Variants in TTLL9 observed in about 807,000 individuals in gnomAD.
TTLL9 encodes the protein probable tubulin polyglutamylase TTLL9.
A neutral mutation model predicts 65.6 loss-of-function variants in TTLL9; 47 were observed. That is an observed-to-expected ratio of 0.72 (90% CI 0.57 to 0.91). The LOEUF (loss-of-function observed/expected upper bound fraction) is 0.91, where lower values mean the gene tolerates loss of function less well. Ranked by LOEUF, TTLL9 falls within the 40% of genes least tolerant of loss-of-function variation. The pLI is 0.00. For missense variants in TTLL9, 537 were observed against 568.8 expected, an observed-to-expected ratio of 0.94 and a Z score of 0.57; for synonymous variants, 179 against 204.8, an observed-to-expected ratio of 0.87 and a Z score of 1.07.
chr20:31,902,882 G>T (rs183608161), intron 4 of TTLL9, among the ~76,000 whole-genome samples: 42 of 151,888 alleles, frequency 2.8e-4, no homozygotes, highest in Non-Finnish European at 4.7e-4. Flanking sequence ...TATTTATTTA[G>T]AGAAAGGGTC....
At position 31,942,970 on chromosome 20, in the gene TTLL9, A is replaced by G. The variant is rs779276082; in HGVS notation, c.1269A>G (p.Gln423=). 2 of 1,614,138 alleles carry G rather than the reference A, an allele frequency of 1.2e-6. No individual in the cohort carries two copies. Among genetic ancestry groups the G allele is most frequent in the Admixed American group, 1.7e-5 (1 of 60,024 alleles). Residue 423 remains glutamine (Q), a synonymous_variant, in exon 15 of 15, where the codon CAA becomes CAG. Coordinates refer to ENST00000535842, the MANE Select transcript of TTLL9 (RefSeq NM_001008409.5). ...GCTGCGTCAACGATCGGAAGAAACA[A>G]CTGAGGCAGCTCTTCTGCTCCCTTC... ...HLGCVNDRKK[Q]LRQLFCSLQV...
intron 8 of TTLL9, 109 bp from the exon 9 acceptor site, chr20:31,924,900 T>G (rs1403553819): frequency 8.2e-7 from 1 of 1,223,700 alleles, no homozygotes; most frequent in East Asian, 2.5e-5. Flanking sequence ...CAGCAGGAGC[T>G]TCATGAAGGC....
intron 3 of TTLL9, among the ~76,000 whole-genome samples, chr20:31,896,381 G>C (rs2063389346): frequency 6.6e-6 from 1 of 152,128 alleles, no homozygotes; most frequent in Non-Finnish European, 1.5e-5. Flanking sequence ...TTTTTAAGAT[G>C]CTTTTATCAA....
chr20:31,896,586 G>A (rs922378643), intron 3 of TTLL9, among the ~76,000 whole-genome samples: 1 of 152,008 alleles, frequency 6.6e-6, no homozygotes, highest in African/African-American at 2.4e-5. Flanking sequence ...CTGGAGTGCA[G>A]TGGTGCTATC....
At chr20:31,925,166 C>T in intron 9 of TTLL9, 117 bp downstream of exon 9, 1 of 1,084,496 alleles carries the variant, frequency 9.2e-7, no homozygotes, top group Admixed American at 2.2e-5. Flanking sequence ...TTTATCTCTC[C>T]CTGGGAGATC....
intron 8 of TTLL9, among the ~76,000 whole-genome samples, chr20:31,923,411 C>T (rs2063844418): frequency 1.3e-5 from 2 of 152,210 alleles, no homozygotes; most frequent in Admixed American, 1.3e-4. Flanking sequence ...GATGAGCAGG[C>T]TGCAATAAAC....
At chr20:31,886,609 C>T (rs920862080) in intron 2 of TTLL9, among the ~76,000 whole-genome samples, 1 of 152,170 alleles carries the variant, frequency 6.6e-6, no homozygotes, top group Non-Finnish European at 1.5e-5. Context: ...CACCTGAGGT[C>T]AGGAGTTCCA....
rs1276351131 is a variant in TTLL9, at chr20:31,943,684, G to A, written c.*663G>A. On this transcript the variant is annotated 3_prime_UTR_variant, in exon 15 of 15. Transcript: ENST00000535842. ...CCCCATTTCTCAGATGGACAAGACAGACCAGGGAGGCAGAGCTTAGTGAGG... is the reference window on the plus strand; with the variant it reads ...CCCCATTTCTCAGATGGACAAGACAAACCAGGGAGGCAGAGCTTAGTGAGG... 1 of 456,284 alleles carries A rather than the reference G, an allele frequency of 2.2e-6. No individual in the cohort carries two copies. The highest frequency in any genetic ancestry group is 2.0e-5 in the African/African-American group (1 of 50,056). 28.3% of individuals were successfully genotyped at this position (456,284 alleles called of 1,614,324 possible).
At chr20:31,888,802 G>A (rs961357809) in intron 3 of TTLL9, among the ~76,000 whole-genome samples, 2 of 152,080 alleles carry the variant, frequency 1.3e-5, no homozygotes, top group Non-Finnish European at 2.9e-5. Context: ...CGGCAAGAGT[G>A]GGAACAAGGG....
intron 2 of TTLL9, 106 bp downstream of exon 2, chr20:31,871,301 A>G: frequency 8.2e-7 from 1 of 1,216,394 alleles, no homozygotes; most frequent in East Asian, 2.3e-5. Flanking sequence ...TCTGGAGACC[A>G]AGGTTTGAGG....
chr20:31,925,085 G>A (rs769667481), intron 9 of TTLL9, 36 bp downstream of exon 9: 29 of 1,612,710 alleles, frequency 1.8e-5, no homozygotes, highest in Non-Finnish European at 2.3e-5. Context: ...CTCCAGCAGG[G>A]GTTAAAGGGT....
At chr20:31,895,453 GT>G (rs1158358028) in intron 3 of TTLL9, among the ~76,000 whole-genome samples, 1 of 152,220 alleles carries the variant, frequency 6.6e-6, no homozygotes, top group East Asian at 1.9e-4. Context: ...TTTGGAAAAT[GT>G]TCTTGTGAAA....
At chr20:31,895,082 A>G (rs2063363593) in intron 3 of TTLL9, among the ~76,000 whole-genome samples, 2 of 152,216 alleles carry the variant, frequency 1.3e-5, no homozygotes, top group Admixed American at 6.5e-5. Context: ...TTTATTTGGG[A>G]ATAATATACA....
At chr20:31,908,773 G>T in intron 5 of TTLL9, 71 bp downstream of exon 5, 1 of 1,214,176 alleles carries the variant, frequency 8.2e-7, no homozygotes. Flanking sequence ...AGCTGGAGCT[G>T]GTACAAGGAT....
intron 2 of TTLL9, among the ~76,000 whole-genome samples, chr20:31,872,368 C>T (rs1244355004): frequency 2.0e-5 from 3 of 151,742 alleles, no homozygotes; most frequent in Non-Finnish European, 4.4e-5. Flanking sequence ...AAGCAATATA[C>T]TAAAACCCCA....
chr20:31,913,781 G>T (rs2063691185), intron 6 of TTLL9, among the ~76,000 whole-genome samples: 1 of 152,220 alleles, frequency 6.6e-6, no homozygotes, highest in African/African-American at 2.4e-5. Flanking sequence ...TAAAAGTCCA[G>T]TGTAAACATT....
At chr20:31,879,858 GA>G (rs1200197936) in intron 2 of TTLL9, 24 of 1,550,264 alleles carry the variant, frequency 1.5e-5, no homozygotes, top group Non-Finnish European at 2.0e-5. Flanking sequence ...TGGCGGTTTG[GA>G]TCTGGCCCCT....
chr20:31,938,086 C>T (rs1420736631), intron 13 of TTLL9: 1 of 210,606 alleles, frequency 4.7e-6, no homozygotes, highest in East Asian at 1.9e-4. Flanking sequence ...CCCTCTCCCT[C>T]CCTCCCTCTC....
chr20:31,928,478 ATT>A (rs2063947503), intron 10 of TTLL9, among the ~76,000 whole-genome samples: 1 of 151,336 alleles, frequency 6.6e-6, no homozygotes, highest in Non-Finnish European at 1.5e-5. Flanking sequence ...AATAATAAAC[ATT>A]TTTAACCTGA....
Sources: allele counts gnomAD v4.1 joint callset (sites outside exome capture counted in the v4.1 genomes callset), GRCh38; gene constraint gnomAD v4.1.1; transcripts MANE v1.5; gene names NCBI Gene and HGNC (gene_info 2026-07-23, HGNC 2026-07-21).